Variants in PLCH1 observed in about 807,000 individuals in gnomAD.
The protein encoded by PLCH1 is phospholipase C eta 1.
Under a neutral mutation model 126.7 loss-of-function variants are expected in PLCH1, and 60 were observed. That is an observed-to-expected ratio of 0.47 (90% confidence interval 0.38 to 0.59). The LOEUF is 0.59. Among genes scored for constraint, PLCH1 ranks in the 20% least tolerant of loss-of-function variants. The pLI is 0.00. For synonymous variants in PLCH1, 719 were observed against 734.9 expected, an observed-to-expected ratio of 0.98 and a Z score of 0.35; for missense variants, 1,723 against 2,040.0, an observed-to-expected ratio of 0.84 and a Z score of 2.99.
At chr3:155,721,047 G>C (rs1025032832) in intron 1 of PLCH1, among the ~76,000 whole-genome samples, 24 of 152,072 alleles carry the variant, frequency 1.6e-4, no homozygotes, top group African/African-American at 5.8e-4. Flanking sequence ...TTTCTTTCTG[G>C]GTTCTCTATT....
intron 12 of PLCH1, among the ~76,000 whole-genome samples, chr3:155,505,623 C>T (rs1279549126): frequency 1.3e-5 from 2 of 152,098 alleles, no homozygotes; most frequent in Non-Finnish European, 2.9e-5. Flanking sequence ...AGTCCAAGAA[C>T]TGGTTGGGGA....
chr3:155,606,563 C>G (rs1202509821), intron 2 of PLCH1, among the ~76,000 whole-genome samples: 1 of 152,176 alleles, frequency 6.6e-6, no homozygotes, highest in East Asian at 1.9e-4. Context: ...TATACTTTTA[C>G]TATTGCTCTG....
chr3:155,677,285 T>C (rs1170765915), intron 2 of PLCH1, among the ~76,000 whole-genome samples: 1 of 152,240 alleles, frequency 6.6e-6, no homozygotes, highest in African/African-American at 2.4e-5. Context: ...ACTCATCCCT[T>C]GATTCCAAGG....
intron 2 of PLCH1, among the ~76,000 whole-genome samples, chr3:155,610,390 C>CAAAAAA (rs1491267517): frequency 3.7e-5 from 3 of 81,716 alleles, no homozygotes; most frequent in African/African-American, 1.1e-4. Flanking sequence ...AAAAAAAAAA[C>CAAAAAA]CATCACCTAG....
intron 10 of PLCH1, among the ~76,000 whole-genome samples, chr3:155,543,373 A>G (rs1724684632): frequency 1.3e-5 from 2 of 152,240 alleles, no homozygotes; most frequent in African/African-American, 4.8e-5. Flanking sequence ...AGCCTCCAAG[A>G]AATATGGGAC....
rs140251474 is a variant in PLCH1 at position 155,501,025 on chromosome 3, G to A, written c.1705-231C>T. Among the ~76,000 whole-genome samples the A allele has an allele frequency of 4.2e-3, 635 of 152,054 alleles. 3 individuals are homozygous for A. Among genetic ancestry groups the A allele is most frequent in the Non-Finnish European group, 6.8e-3 (464 of 67,996 alleles). On this transcript the variant is annotated intron_variant, in intron 13 of 22. Coordinates refer to ENST00000460012, the MANE Select transcript of PLCH1 (RefSeq NM_014996.4). The stretch of plus-strand genomic sequence containing the variant: ...AGTTTCATGCTCAGAAACTGACTTC[G>A]GAGACACATAAAGTTGATGTATCAG...
intron 2 of PLCH1, among the ~76,000 whole-genome samples, chr3:155,608,121 T>C (rs1280949328): frequency 6.6e-6 from 1 of 152,118 alleles, no homozygotes; most frequent in African/African-American, 2.4e-5. Context: ...AAGTGAAATA[T>C]TAAAGTAGAA....
At chr3:155,515,470 T>A (rs1720193193) in intron 11 of PLCH1, among the ~76,000 whole-genome samples, 1 of 152,274 alleles carries the variant, frequency 6.6e-6, no homozygotes, top group African/African-American at 2.4e-5. Context: ...ATTTCCTTAC[T>A]ATTTCCAATC....
intron 6 of PLCH1, among the ~76,000 whole-genome samples, chr3:155,568,782 G>GTA (rs1020669768): frequency 1.5e-4 from 23 of 151,898 alleles, no homozygotes; most frequent in African/African-American, 5.3e-4. Context: ...GTGTGTGTGT[G>GTA]TTTGTATCCA....
chr3:155,562,770 A>T (rs1472975302), intron 8 of PLCH1, among the ~76,000 whole-genome samples: 1 of 152,210 alleles, frequency 6.6e-6, no homozygotes, highest in East Asian at 1.9e-4. Flanking sequence ...CTGAGAAAAC[A>T]GGCATGCGCC....
intron 12 of PLCH1, among the ~76,000 whole-genome samples, chr3:155,511,234 G>T (rs974388790): frequency 1.1e-5 from 1 of 89,862 alleles, no homozygotes; most frequent in Non-Finnish European, 2.0e-5. Context: ...TCTCTGTATT[G>T]GTTATTCTAG....
chr3:155,455,158 G>A (rs1712409825), intron 21 of PLCH1, among the ~76,000 whole-genome samples: 1 of 152,174 alleles, frequency 6.6e-6, no homozygotes, highest in South Asian at 2.1e-4. Flanking sequence ...ATGAACTAGG[G>A]AAGGTGAGGC....
chr3:155,654,940 C>A (rs1194266924), intron 2 of PLCH1, among the ~76,000 whole-genome samples: 1 of 152,200 alleles, frequency 6.6e-6, no homozygotes, highest in African/African-American at 2.4e-5. Flanking sequence ...TTCTTTGTAT[C>A]ATCGACTTTG....
chr3:155,471,898 T>A (rs1713267576), intron 21 of PLCH1, among the ~76,000 whole-genome samples: 1 of 151,780 alleles, frequency 6.6e-6, no homozygotes, highest in Non-Finnish European at 1.5e-5. Context: ...AGACACAACA[T>A]ACCAGAATCT....
intron 2 of PLCH1, among the ~76,000 whole-genome samples, chr3:155,641,727 T>A (rs527739929): frequency 1.3e-5 from 2 of 152,258 alleles, no homozygotes; most frequent in South Asian, 4.1e-4. Flanking sequence ...CTGTTATGTA[T>A]CCAAACAAAT....
chr3:155,543,680 A>C (rs543197494), intron 10 of PLCH1, among the ~76,000 whole-genome samples: 1 of 152,208 alleles, frequency 6.6e-6, no homozygotes, highest in South Asian at 2.1e-4. Flanking sequence ...TCAGACTAAC[A>C]GCGGATCTCT....
intron 21 of PLCH1, among the ~76,000 whole-genome samples, chr3:155,463,318 A>G (rs1712799481): frequency 1.3e-5 from 2 of 152,244 alleles, no homozygotes; most frequent in Non-Finnish European, 2.9e-5. Context: ...TCGGACATTT[A>G]GAACAAAACC....
chr3:155,674,081 G>C (rs964102336), intron 2 of PLCH1, among the ~76,000 whole-genome samples: 1 of 152,036 alleles, frequency 6.6e-6, no homozygotes, highest in African/African-American at 2.4e-5. Flanking sequence ...GGAAATTGAG[G>C]TTCAGAGACA....
intron 2 of PLCH1, among the ~76,000 whole-genome samples, chr3:155,608,353 G>A (rs1180603865): frequency 6.6e-6 from 1 of 152,178 alleles, no homozygotes; most frequent in Non-Finnish European, 1.5e-5. Context: ...ATTGCTGCAG[G>A]AGCCATGGCT....
Sources: gnomAD v4.1 joint callset for allele counts (sites outside exome capture counted in the v4.1 genomes callset) on GRCh38, gnomAD v4.1.1 for gene constraint, MANE v1.5 for transcripts, NCBI Gene and HGNC (gene_info 2026-07-23, HGNC 2026-07-21) for gene names.